The following SAMTOR variants were observed in gnomAD, a reference collection of about 807,000 sequenced individuals.
SAMTOR encodes the protein UPF0532 protein C7orf60.
the SAMTOR span, among the ~76,000 whole-genome samples, chr7:112,920,082 C>T: frequency 7.4e-5 from 11 of 147,724 alleles, no homozygotes; most frequent in Admixed American, 1.4e-4. Context: ...AGAGGGAATC[C>T]TCCCTAACTC....
chr7:112,896,464 C>T, the SAMTOR span, among the ~76,000 whole-genome samples: 8 of 152,308 alleles, frequency 5.3e-5, no homozygotes, highest in East Asian at 1.5e-3. Context: ...GAACTATGCC[C>T]ATTTCTCCTT....
the SAMTOR span, among the ~76,000 whole-genome samples, chr7:112,838,198 T>C: frequency 6.6e-6 from 1 of 151,906 alleles, no homozygotes; most frequent in Non-Finnish European, 1.5e-5. Context: ...GCCACAAGTA[T>C]TGATTGTAGG....
At chr7:112,879,137 C>T in the SAMTOR span, among the ~76,000 whole-genome samples, 1 of 150,662 alleles carries the variant, frequency 6.6e-6, no homozygotes, top group Non-Finnish European at 1.5e-5. Context: ...AAAATTAGCT[C>T]GCTTATGACA....
the SAMTOR span, among the ~76,000 whole-genome samples, chr7:112,847,072 C>T: frequency 6.6e-6 from 1 of 152,132 alleles, no homozygotes; most frequent in Admixed American, 6.6e-5. Flanking sequence ...ACTACTTTCA[C>T]ATCAAGATAA....
chr7:112,849,806 GAA>G, the SAMTOR span, among the ~76,000 whole-genome samples: 1 of 152,184 alleles, frequency 6.6e-6, no homozygotes, highest in Non-Finnish European at 1.5e-5. Context: ...TTTTATGAAA[GAA>G]TGCTGGATTT....
chr7:112,898,934 A>ACCTGAATACT, the SAMTOR span, among the ~76,000 whole-genome samples: 1 of 152,190 alleles, frequency 6.6e-6, no homozygotes, highest in African/African-American at 2.4e-5. Flanking sequence ...ACTTTAGATA[A>ACCTGAATACT]ACTCTGAATG....
At chr7:112,854,769 A>G in the SAMTOR span, among the ~76,000 whole-genome samples, 2 of 152,196 alleles carry the variant, frequency 1.3e-5, no homozygotes, top group Admixed American at 1.3e-4. Flanking sequence ...AATTGAGACC[A>G]GAGATCTGAG....
the SAMTOR span, among the ~76,000 whole-genome samples, chr7:112,921,070 T>C: frequency 2.0e-5 from 3 of 152,156 alleles, no homozygotes; most frequent in African/African-American, 7.2e-5. Flanking sequence ...TACCAATGAC[T>C]TCCTTCACAG....
At chr7:112,849,643 T>C in the SAMTOR span, among the ~76,000 whole-genome samples, 1 of 152,150 alleles carries the variant, frequency 6.6e-6, no homozygotes, top group Non-Finnish European at 1.5e-5. Context: ...TGTTGAATAG[T>C]AGTGGTGAAA....
the SAMTOR span, among the ~76,000 whole-genome samples, chr7:112,897,683 C>T: frequency 6.6e-6 from 1 of 152,096 alleles, no homozygotes; most frequent in Non-Finnish European, 1.5e-5. Flanking sequence ...AAATAAAAAT[C>T]TGAAACCGAG....
the SAMTOR span, chr7:112,820,165 A>G: frequency 2.0e-5 from 3 of 152,660 alleles, no homozygotes; most frequent in South Asian, 6.2e-4. Flanking sequence ...TCATTAATTT[A>G]GCATGTGAAA....
the SAMTOR span, among the ~76,000 whole-genome samples, chr7:112,907,437 A>G: frequency 2.0e-5 from 3 of 152,182 alleles, no homozygotes; most frequent in Non-Finnish European, 4.4e-5. Context: ...CAGTCTGGTA[A>G]TTAGGAAAGC....
the SAMTOR span, among the ~76,000 whole-genome samples, chr7:112,937,105 T>C: frequency 1.3e-5 from 2 of 152,308 alleles, no homozygotes; most frequent in South Asian, 2.1e-4. Flanking sequence ...TGGCTGACAA[T>C]TTCCAGTTCC....
chr7:112,833,371 T>C, the SAMTOR span, among the ~76,000 whole-genome samples: 1 of 152,196 alleles, frequency 6.6e-6, no homozygotes, highest in African/African-American at 2.4e-5. Flanking sequence ...ACTCTGACCC[T>C]TAACATGTAA....
chr7:112,863,445 A>C, the SAMTOR span, among the ~76,000 whole-genome samples: 1 of 152,248 alleles, frequency 6.6e-6, no homozygotes, highest in African/African-American at 2.4e-5. Context: ...AATCTAATTA[A>C]AATAAAGAGC....
the SAMTOR span, among the ~76,000 whole-genome samples, chr7:112,863,710 A>G: frequency 6.6e-6 from 1 of 152,228 alleles, no homozygotes; most frequent in South Asian, 2.1e-4. Flanking sequence ...AGAAATGCAA[A>G]TGAAAACCGC....
chr7:112,819,204 A>G, the SAMTOR span: 1 of 152,652 alleles, frequency 6.6e-6, no homozygotes, highest in East Asian at 1.9e-4. Context: ...GTGAAAAAAT[A>G]CAACAAACAC....
chr7:112,921,386 C>T, the SAMTOR span, among the ~76,000 whole-genome samples: 1 of 151,230 alleles, frequency 6.6e-6, no homozygotes, highest in African/African-American at 2.4e-5. Context: ...GGAAAACTGG[C>T]TAGCCATATG....
the SAMTOR span, among the ~76,000 whole-genome samples, chr7:112,841,506 A>C: frequency 2.6e-5 from 4 of 151,408 alleles, no homozygotes; most frequent in Non-Finnish European, 5.9e-5. Flanking sequence ...CATACTGCCC[A>C]AATTTATAGA....
Sources: allele counts gnomAD v4.1 joint callset (sites outside exome capture counted in the v4.1 genomes callset), GRCh38; gene constraint gnomAD v4.1.1; transcripts MANE v1.5; gene names NCBI Gene and HGNC (gene_info 2026-07-23, HGNC 2026-07-21).